Variants in PTPRD observed in about 807,000 individuals in gnomAD.
PTPRD encodes protein tyrosine phosphatase receptor type D, also known as receptor-type tyrosine-protein phosphatase delta.
PTPRD carries 34 observed loss-of-function variants against 214.5 expected under a neutral mutation model. The ratio of observed to expected loss-of-function variants is 0.16; its 90% confidence interval spans 0.12 to 0.21. The LOEUF (loss-of-function observed/expected upper bound fraction) is 0.21. Among genes scored for constraint, PTPRD ranks in the 10% least tolerant of loss-of-function variants. PTPRD has a pLI of 1.00. For synonymous variants in PTPRD, 1,128 were observed against 845.7 expected (o/e 1.33, Z -5.79); for missense variants, 2,545 against 2,398.7 (o/e 1.06, Z -1.27).
chr9:9,090,942 C>T (rs771097101), intron 10 of PTPRD: 96 of 1,561,804 alleles, frequency 6.1e-5, no homozygotes, highest in African/African-American at 3.8e-4. Flanking sequence ...AAAAGGGCTG[C>T]GGCCACGTGC....
At position 8,709,241 on chromosome 9, in the gene PTPRD, G is replaced by A. The variant is rs372719706; in HGVS notation, c.64+24539C>T. Among the ~76,000 whole-genome samples the A allele has an allele frequency of 1.5e-3, 226 of 152,162 alleles. 7 individuals are homozygous for A. Among genetic ancestry groups the A allele is most frequent in the African/African-American group, 5.2e-3 (216 of 41,504 alleles). On this transcript the variant is annotated intron_variant, in intron 12 of 45. Coordinates refer to ENST00000381196, the MANE Select transcript of PTPRD (RefSeq NM_002839.4). ...TCAAAAATGCTAACAGAGGCCAGGCGCAGTGGCTCGCACCTGTAATGCCAG... is the reference window on the plus strand; with the variant it reads ...TCAAAAATGCTAACAGAGGCCAGGCACAGTGGCTCGCACCTGTAATGCCAG...
intron 2 of PTPRD, among the ~76,000 whole-genome samples, chr9:10,442,939 G>C (rs574185703): frequency 6.6e-6 from 1 of 151,498 alleles, no homozygotes; most frequent in South Asian, 2.1e-4. Flanking sequence ...TGTTGTATGT[G>C]TAGAAATGAA....
chr9:10,130,490 T>C (rs1466724031), intron 3 of PTPRD, among the ~76,000 whole-genome samples: 5 of 152,044 alleles, frequency 3.3e-5, no homozygotes, highest in East Asian at 1.9e-4. Flanking sequence ...TAACTGTGGG[T>C]TTTTTGAGGT....
At chr9:9,089,297 C>G (rs2099772126) in intron 10 of PTPRD, among the ~76,000 whole-genome samples, 1 of 152,092 alleles carries the variant, frequency 6.6e-6, no homozygotes, top group Non-Finnish European at 1.5e-5. Context: ...TAAGTGTGTC[C>G]TAATAATACT....
intron 5 of PTPRD, among the ~76,000 whole-genome samples, chr9:9,931,154 T>C (rs1220667489): frequency 6.6e-6 from 1 of 152,086 alleles, no homozygotes; most frequent in Non-Finnish European, 1.5e-5. Context: ...ACTTTTTTCC[T>C]ATAGAAAAAA....
intron 4 of PTPRD, among the ~76,000 whole-genome samples, chr9:10,022,376 T>C (rs1182831145): frequency 2.1e-5 from 3 of 142,278 alleles, no homozygotes; most frequent in African/African-American, 7.9e-5. Flanking sequence ...CTCTCATACA[T>C]ACCTTTCTAA....
intron 3 of PTPRD, among the ~76,000 whole-genome samples, chr9:10,304,334 T>C (rs1439485339): frequency 6.6e-6 from 1 of 152,134 alleles, no homozygotes; most frequent in Admixed American, 6.6e-5. Flanking sequence ...CCAGAAGCAT[T>C]TCCTTTGAAA....
chr9:8,789,633 G>C (rs936346041), intron 11 of PTPRD, among the ~76,000 whole-genome samples: 1 of 151,984 alleles, frequency 6.6e-6, no homozygotes, highest in Non-Finnish European at 1.5e-5. Context: ...AGAAACAGTA[G>C]AGCAATTTTT....
intron 12 of PTPRD, among the ~76,000 whole-genome samples, chr9:8,671,012 G>C (rs938470014): frequency 6.6e-6 from 1 of 152,066 alleles, no homozygotes; most frequent in African/African-American, 2.4e-5. Context: ...TGTGGAGGTG[G>C]GGGGAGGATG....
chr9:8,909,879 A>AT (rs2098735383), intron 11 of PTPRD, among the ~76,000 whole-genome samples: 1 of 150,966 alleles, frequency 6.6e-6, no homozygotes, highest in South Asian at 2.1e-4. Flanking sequence ...AAAAAAAAAA[A>AT]AAGAAAGAAA....
At position 9,779,110 on chromosome 9, in the gene PTPRD, G is replaced by T. The variant is rs551381577; in HGVS notation, c.-367-12259C>A. 5.4e-3 allele frequency among the ~76,000 whole-genome samples: 395 copies of T among 73,716 alleles called. 3 individuals are homozygous for T. The highest frequency in any genetic ancestry group is 0.023 in the African/African-American group (378 of 16,716). 48.4% of individuals were successfully genotyped at this position (73,716 alleles called of 152,430 possible). A position where few individuals can be genotyped will look rare whatever the true frequency, so the allele number is the denominator to read the frequency against. ...AAAAAAAAAAAAAAAAAAAAGCAAT[G>T]GGGAAAGGACTCCCTATTCAATAAA... On this transcript the variant is annotated intron_variant, in intron 5 of 45. Coordinates refer to ENST00000381196, the MANE Select transcript of PTPRD (RefSeq NM_002839.4).
intron 33 of PTPRD, among the ~76,000 whole-genome samples, chr9:8,456,046 G>C (rs1157246007): frequency 1.3e-5 from 2 of 152,126 alleles, no homozygotes; most frequent in Non-Finnish European, 2.9e-5. Context: ...CCAAAATAAA[G>C]TTGATATTGA....
chr9:8,784,484 G>C (rs12346136), intron 11 of PTPRD, among the ~76,000 whole-genome samples: 4 of 152,174 alleles, frequency 2.6e-5, no homozygotes, highest in Non-Finnish European at 4.4e-5. Flanking sequence ...TCCTGGCATA[G>C]AGAAGCCACC....
chr9:10,411,389 A>C (rs1008961513), intron 2 of PTPRD, among the ~76,000 whole-genome samples: 2 of 151,780 alleles, frequency 1.3e-5, no homozygotes, highest in Admixed American at 6.6e-5. Context: ...GGATGCAACC[A>C]TATGTCTAAG....
intron 10 of PTPRD, among the ~76,000 whole-genome samples, chr9:9,099,198 A>G (rs2099787928): frequency 6.6e-6 from 1 of 152,190 alleles, no homozygotes; most frequent in South Asian, 2.1e-4. Flanking sequence ...GCAACAGGTG[A>G]TGGGAGAGGT....
In PTPRD at chr9:9,870,113, C is replaced by G. The variant is rs75473400; in HGVS notation, c.-368+68394G>C. ...AGATTTGTTTCAAAATATTATACAA[C>G]AAATGGAAAAGGTAATCTCTAAGAT... On this transcript the variant is annotated intron_variant, in intron 5 of 45. Transcript: ENST00000381196. 7.4e-3 allele frequency among the ~76,000 whole-genome samples: 1,119 copies of G among 152,016 alleles called. 6 individuals are homozygous for G. The highest frequency in any genetic ancestry group is 0.025 in the African/African-American group (1,048 of 41,494).
At chr9:10,209,053 A>C (rs1302282390) in intron 3 of PTPRD, among the ~76,000 whole-genome samples, 3 of 152,186 alleles carry the variant, frequency 2.0e-5, no homozygotes, top group Non-Finnish European at 4.4e-5. Flanking sequence ...TCTGGCTTCC[A>C]TGTTTAAGTT....
At chr9:8,866,919 T>C in intron 11 of PTPRD, among the ~76,000 whole-genome samples, 1 of 152,192 alleles carries the variant, frequency 6.6e-6, no homozygotes. Flanking sequence ...CCAAGATATA[T>C]TTAATGACCA....
intron 10 of PTPRD, among the ~76,000 whole-genome samples, chr9:9,125,958 A>C (rs1592046149): frequency 1.3e-5 from 2 of 152,300 alleles, no homozygotes; most frequent in South Asian, 4.1e-4. Context: ...TCCAGGCAGA[A>C]GGGACAGTTG....
Sources: gnomAD v4.1 joint callset for allele counts (sites outside exome capture counted in the v4.1 genomes callset) on GRCh38, gnomAD v4.1.1 for gene constraint, MANE v1.5 for transcripts, NCBI Gene and HGNC (gene_info 2026-07-23, HGNC 2026-07-21) for gene names.